PRKCB: variants seen among roughly 807,000 people sequenced by gnomAD.
PRKCB encodes protein kinase C beta.
Under a neutral mutation model 81.5 loss-of-function variants are expected in PRKCB, and 13 were observed. The observed-to-expected ratio is 0.16, with a 90% CI of 0.10 to 0.25. The LOEUF (loss-of-function observed/expected upper bound fraction) is 0.25, where lower values mean the gene tolerates loss of function less well. Ranked by LOEUF, PRKCB falls within the 10% of genes least tolerant of loss-of-function variation. The pLI is 1.00. For missense variants in PRKCB, 509 were observed against 875.7 expected (o/e 0.58, Z 5.29); for synonymous variants, 335 against 321.4 (o/e 1.04, Z -0.45).
chr16:23,883,196 A>G (rs747309508), intron 2 of PRKCB, among the ~76,000 whole-genome samples: 10 of 152,230 alleles, frequency 6.6e-5, no homozygotes, highest in Non-Finnish European at 1.5e-4. Flanking sequence ...GATAAATGTC[A>G]TGATACTGAA....
At chr16:24,124,785 A>G (rs559477348) in intron 9 of PRKCB, among the ~76,000 whole-genome samples, 3 of 152,312 alleles carry the variant, frequency 2.0e-5, no homozygotes, top group South Asian at 2.1e-4. Context: ...TTTTCCATCT[A>G]TGTAACGTAA....
chr16:24,113,272 CTCTCTTGCTT>C (rs1966698132), intron 8 of PRKCB, among the ~76,000 whole-genome samples: 1 of 147,556 alleles, frequency 6.8e-6, no homozygotes, highest in South Asian at 2.1e-4. Context: ...TTCTTCCTTT[CTCTCTTGCTT>C]TCTCTTGCTT....
chr16:23,933,761 CTATCCACTCCA>C (rs1964012748), intron 2 of PRKCB, among the ~76,000 whole-genome samples: 1 of 137,348 alleles, frequency 7.3e-6, no homozygotes, highest in South Asian at 2.4e-4. Context: ...ATCTATCCAT[CTATCCACTCCA>C]TCCATCCATC....
rs1465215355 is a variant in PRKCB, at chr16:23,874,594, A to G, written c.205+37188A>G. Among the ~76,000 whole-genome samples, 16 of 122,556 alleles carry G rather than the reference A, an allele frequency of 1.3e-4. 2 individuals are homozygous for G. The Admixed American group carries it at 1.4e-3, about 10-fold the overall frequency. The allele number at this position is 122,556 out of a possible 152,430, so 80.4% of individuals were successfully genotyped here. On this transcript the variant is annotated intron_variant, in intron 2 of 16. Coordinates refer to ENST00000643927, the MANE Select transcript of PRKCB (RefSeq NM_002738.7). Reference sequence around the variant, plus strand: ...TTTTTTTTTTTTTTTGTTTTGCCCCAAGAGAGGCAGGAAATGAGTATATTT... The same window carrying G: ...TTTTTTTTTTTTTTTGTTTTGCCCCGAGAGAGGCAGGAAATGAGTATATTT...
chr16:23,836,158 C>T lies in PRKCB; in HGVS notation c.-18C>T, dbSNP rs1333589343. The T allele has an allele frequency of 2.7e-6, 4 of 1,493,982 alleles. No individual in the cohort carries two copies. Among genetic ancestry groups the T allele is most frequent in the East Asian group, 2.9e-5 (1 of 34,266 alleles). The allele number at this position is 1,493,982 out of a possible 1,614,324, so 92.5% of individuals were successfully genotyped here. A position where few individuals can be genotyped will look rare whatever the true frequency, so the allele number is the denominator to read the frequency against. On this transcript the variant is annotated 5_prime_UTR_variant, in exon 1 of 17. Transcript: ENST00000643927. ...CCCGGGGCCGGCACCTCTCGGGCTCCGGCTCCCCGCGCGCAAGATGGCTGA... is the reference window on the plus strand; with the variant it reads ...CCCGGGGCCGGCACCTCTCGGGCTCTGGCTCCCCGCGCGCAAGATGGCTGA...
At chr16:23,915,556 T>C (rs1963724437) in intron 2 of PRKCB, among the ~76,000 whole-genome samples, 1 of 151,958 alleles carries the variant, frequency 6.6e-6, no homozygotes, top group African/African-American at 2.4e-5. Context: ...CAAAAATTGA[T>C]GACCTGCACC....
At chr16:24,060,323 T>C (rs1336929730) in intron 5 of PRKCB, among the ~76,000 whole-genome samples, 4 of 152,120 alleles carry the variant, frequency 2.6e-5, no homozygotes, top group Non-Finnish European at 5.9e-5. Context: ...TCTCAGGGCC[T>C]TCACAGCGCT....
chr16:24,068,988 A>G (rs1409048314), intron 5 of PRKCB, among the ~76,000 whole-genome samples: 1 of 152,220 alleles, frequency 6.6e-6, no homozygotes, highest in East Asian at 1.9e-4. Context: ...GTGAATGTTT[A>G]CCATATGCCA....
At chr16:23,842,936 C>CT (rs35764003) in intron 2 of PRKCB, among the ~76,000 whole-genome samples, 1 of 152,136 alleles carries the variant, frequency 6.6e-6, no homozygotes, top group Non-Finnish European at 1.5e-5. Context: ...GTCAGCTCTT[C>CT]TTTTTCCCAT....
chr16:24,123,495 G>A, intron 8 of PRKCB, among the ~76,000 whole-genome samples: 1 of 152,196 alleles, frequency 6.6e-6, no homozygotes, highest in Non-Finnish European at 1.5e-5. Context: ...GTGGTTGTGT[G>A]TGAAACCCAG....
intron 2 of PRKCB, among the ~76,000 whole-genome samples, chr16:23,923,105 C>G (rs186101499): frequency 4.6e-5 from 7 of 152,144 alleles, no homozygotes; most frequent in African/African-American, 2.4e-5. Flanking sequence ...TTTCAACCAC[C>G]CTTTGTATGA....
intron 3 of PRKCB, among the ~76,000 whole-genome samples, chr16:24,014,945 C>T (rs377357994): frequency 1.1e-4 from 16 of 152,234 alleles, no homozygotes; most frequent in South Asian, 2.1e-4. Context: ...TACAGGCACC[C>T]GCCACCATGC....
chr16:24,173,477 A>C (rs888173078), intron 11 of PRKCB, among the ~76,000 whole-genome samples: 1 of 152,124 alleles, frequency 6.6e-6, no homozygotes, highest in Non-Finnish European at 1.5e-5. Context: ...CCACCTGGAC[A>C]GGTTGTGAGC....
At chr16:24,012,321 G>A (rs1338412599) in intron 3 of PRKCB, among the ~76,000 whole-genome samples, 1 of 152,178 alleles carries the variant, frequency 6.6e-6, no homozygotes, top group Non-Finnish European at 1.5e-5. Flanking sequence ...TATAGAGGAG[G>A]AAACTGAGGC....
At chr16:23,869,434 A>T (rs1962865626) in intron 2 of PRKCB, 1 of 221,382 alleles carries the variant, frequency 4.5e-6, no homozygotes, top group South Asian at 5.4e-5. Context: ...AAAGCTGACT[A>T]ATACAGTCAT....
At chr16:24,089,774 C>T (rs981271105) in intron 5 of PRKCB, among the ~76,000 whole-genome samples, 6 of 149,848 alleles carry the variant, frequency 4.0e-5, no homozygotes, top group Admixed American at 1.3e-4. Flanking sequence ...GACCTTGTCT[C>T]TCTCTCTCTC....
chr16:23,836,474 C>T (rs1342207397), intron 1 of PRKCB, 126 bp downstream of exon 1: 11 of 1,358,560 alleles, frequency 8.1e-6, no homozygotes, highest in Non-Finnish European at 1.1e-5. Flanking sequence ...CTCCGGACTC[C>T]CGGCTCCGGA....
At chr16:24,010,894 G>C (rs777444368) in intron 3 of PRKCB, among the ~76,000 whole-genome samples, 17 of 151,920 alleles carry the variant, frequency 1.1e-4, no homozygotes, top group Non-Finnish European at 1.9e-4. Flanking sequence ...TTTGATACAA[G>C]GTCTCACTGT....
At chr16:23,948,908 G>A (rs188259384) in intron 2 of PRKCB, among the ~76,000 whole-genome samples, 1 of 152,202 alleles carries the variant, frequency 6.6e-6, no homozygotes, top group East Asian at 1.9e-4. Context: ...GAGATTTGTG[G>A]GTGTGGAAAG....
Sources: allele counts gnomAD v4.1 joint callset (sites outside exome capture counted in the v4.1 genomes callset), GRCh38; gene constraint gnomAD v4.1.1; transcripts MANE v1.5; gene names NCBI Gene and HGNC (gene_info 2026-07-23, HGNC 2026-07-21).